The following CLDN16 variants were observed in gnomAD, a reference collection of about 807,000 sequenced individuals.
The protein encoded by CLDN16 is claudin 16, also known as claudin-16.
CLDN16 carries 13 observed loss-of-function variants against 24.6 expected under a neutral mutation model. The ratio of observed to expected loss-of-function variants is 0.53; its 90% CI spans 0.34 to 0.84. The LOEUF (loss-of-function observed/expected upper bound fraction) is 0.84, where lower values mean the gene tolerates loss of function less well. Among genes scored for constraint, CLDN16 ranks in the 40% least tolerant of loss-of-function variants. The pLI is 0.01. For synonymous variants in CLDN16, 116 were observed against 106.7 expected, an observed-to-expected ratio of 1.09 and a Z score of -0.54; for missense variants, 298 against 292.7, an observed-to-expected ratio of 1.02 and a Z score of -0.13.
intron 1 of CLDN16, among the ~76,000 whole-genome samples, chr3:190,347,691 G>A (rs974545282): frequency 6.6e-6 from 1 of 152,196 alleles, no homozygotes; most frequent in Non-Finnish European, 1.5e-5. Flanking sequence ...CATGTCTGCT[G>A]TGTAGACAAT....
chr3:190,313,584 C>T, the CLDN16 span, among the ~76,000 whole-genome samples: 3 of 152,070 alleles, frequency 2.0e-5, no homozygotes, highest in Non-Finnish European at 4.4e-5. Flanking sequence ...GTATTTGTAT[C>T]TCCAGTGATG....
intron 1 of CLDN16, among the ~76,000 whole-genome samples, chr3:190,339,422 G>A (rs972414956): frequency 9.2e-5 from 14 of 152,208 alleles, no homozygotes; most frequent in African/African-American, 3.4e-4. Flanking sequence ...TGAAGCAGAA[G>A]CAAGCAGGGA....
At chr3:190,314,805 A>G in the CLDN16 span, among the ~76,000 whole-genome samples, 24,218 of 152,124 alleles carry the variant, frequency 0.16, 2,115 homozygotes, top group African/African-American at 0.23. Context: ...AAAAATAAAA[A>G]AGAGACTTCC....
chr3:190,362,356 G>C (rs1488428435), intron 1 of CLDN16, among the ~76,000 whole-genome samples: 1 of 151,786 alleles, frequency 6.6e-6, no homozygotes, highest in Non-Finnish European at 1.5e-5. Context: ...TCAGTTCTGC[G>C]ATCCCACCCA....
chr3:190,343,857 A>G (rs559229764), intron 1 of CLDN16, among the ~76,000 whole-genome samples: 15 of 152,220 alleles, frequency 9.9e-5, no homozygotes, highest in Admixed American at 3.3e-4. Flanking sequence ...GAGGATACAA[A>G]GTAGCAACGT....
intron 1 of CLDN16, among the ~76,000 whole-genome samples, chr3:190,343,817 C>T (rs79196659): frequency 0.039 from 5,951 of 151,936 alleles, 391 homozygotes; most frequent in African/African-American, 0.13. Context: ...GAGTTCAGGT[C>T]TGGGGGAGAA....
intron 1 of CLDN16, among the ~76,000 whole-genome samples, chr3:190,332,285 T>C (rs1717196700): frequency 6.6e-6 from 1 of 152,196 alleles, no homozygotes; most frequent in African/African-American, 2.4e-5. Context: ...TATTCACATA[T>C]TTCTGAATTT....
At chr3:190,308,433 T>A in the CLDN16 span, 1 of 1,613,546 alleles carries the variant, frequency 6.2e-7, no homozygotes, top group East Asian at 2.2e-5. Context: ...CCTGACCAAA[T>A]TCGTACCTAA....
chr3:190,348,795 T>C (rs1717609824), intron 1 of CLDN16, among the ~76,000 whole-genome samples: 1 of 152,162 alleles, frequency 6.6e-6, no homozygotes, highest in Non-Finnish European at 1.5e-5. Context: ...TAGTTATTTT[T>C]CCTGATCCTC....
chr3:190,384,932 A>G (rs974864645), upstream of CLDN16, among the ~76,000 whole-genome samples: 5 of 152,188 alleles, frequency 3.3e-5, no homozygotes, highest in African/African-American at 1.2e-4. Context: ...ATAAATTGGA[A>G]AACACATCAT....
chr3:190,409,971 G>T lies in CLDN16; in HGVS notation c.643G>T (p.Ala215Ser). The T allele has an allele frequency of 1.2e-6, 2 of 1,613,940 alleles. No individual in the cohort carries two copies. Among genetic ancestry groups the T allele is most frequent in the Non-Finnish European group, 1.7e-6 (2 of 1,179,952 alleles). ...KAYSAAGVSM[A>S]KSYSAPRTET... ...CTATTCAGCCGCGGGTGTTTCCATG[G>T]CCAAGTCATACTCAGCCCCTCGCAC... Residue 215 changes from alanine (A) to serine (S), a missense_variant, in exon 5 of 5, where the codon GCC becomes TCC. Ala to Ser is a moderately conservative substitution (Grantham distance 99). Coordinates refer to ENST00000264734, the MANE Select transcript of CLDN16 (RefSeq NM_006580.4).
intron 1 of CLDN16, among the ~76,000 whole-genome samples, chr3:190,348,213 C>G (rs1311648857): frequency 1.4e-5 from 2 of 141,096 alleles, no homozygotes; most frequent in African/African-American, 2.7e-5. Flanking sequence ...TGAGATGGTG[C>G]CACTACACTC....
Position 190,402,318 on chromosome 3 carries a change from T to A in CLDN16, c.115-19T>A. 1 of 1,580,500 alleles carries A rather than the reference T, an allele frequency of 6.3e-7. No homozygotes were observed. Among genetic ancestry groups the A allele is most frequent in the Non-Finnish European group, 8.7e-7 (1 of 1,149,430 alleles). On this transcript the variant is annotated intron_variant, in intron 1 of 4. Coordinates refer to ENST00000264734, the MANE Select transcript of CLDN16 (RefSeq NM_006580.4). The stretch of plus-strand genomic sequence containing the variant: ...TGCCTGCATGAATTGTTTCACACGG[T>A]GTCTTCTCTAACATCTAGGTGAGCA...
chr3:190,386,472 A>T (rs1718500386), upstream of CLDN16, among the ~76,000 whole-genome samples: 1 of 152,138 alleles, frequency 6.6e-6, no homozygotes. Flanking sequence ...AGTAGGTCAG[A>T]TCACCGAGGC....
At chr3:190,313,106 A>G in the CLDN16 span, 1 of 1,555,146 alleles carries the variant, frequency 6.4e-7, no homozygotes, top group Non-Finnish European at 8.9e-7. Flanking sequence ...AAGAAGACCA[A>G]GTATATGTCA....
rs1219134741 is a variant in CLDN16, at chr3:190,323,027, C to CACACACACACACACACACACACACAG, written n.121+367_121+368insCACACACACACACACACACACACAGA. ...TTACACACACACACACACACACACA[C>CACACACACACACACACACACACACAG]AGACACACTCACGCACGGAGCATAT... On this transcript the variant is annotated intron_variant and non_coding_transcript_variant, in intron 1 of 4. Transcript: ENST00000468220. Among the ~76,000 whole-genome samples, 6 of 149,966 alleles carry CACACACACACACACACACACACACAG rather than the reference C, an allele frequency of 4.0e-5. No individual in the cohort carries two copies. In the East Asian group the frequency reaches 1.2e-3, roughly 30 times the overall value.
At chr3:190,362,621 G>A (rs554618118) in intron 1 of CLDN16, among the ~76,000 whole-genome samples, 25 of 152,100 alleles carry the variant, frequency 1.6e-4, no homozygotes, top group African/African-American at 5.8e-4. Context: ...CTAGGCAGCC[G>A]GCAACGTGAA....
chr3:190,323,432 C>T (rs1716988051), intron 1 of CLDN16, among the ~76,000 whole-genome samples: 1 of 152,152 alleles, frequency 6.6e-6, no homozygotes, highest in South Asian at 2.1e-4. Context: ...CCTCCGGTTT[C>T]GGTCTCGCTG....
chr3:190,347,421 C>A (rs1276553195), intron 1 of CLDN16, among the ~76,000 whole-genome samples: 1 of 152,024 alleles, frequency 6.6e-6, no homozygotes, highest in African/African-American at 2.4e-5. Context: ...GTTTGAAGTG[C>A]CCAAGGAACA....
Sources: gnomAD v4.1 joint callset for allele counts (sites outside exome capture counted in the v4.1 genomes callset) on GRCh38, gnomAD v4.1.1 for gene constraint, MANE v1.5 for transcripts, NCBI Gene and HGNC (gene_info 2026-07-23, HGNC 2026-07-21) for gene names.